Variants in SMAD2 observed in about 807,000 individuals in gnomAD.
SMAD2 encodes the protein SMAD family member 2.
In SMAD2, 8 loss-of-function variants were observed where a neutral mutation model predicts 64.4. The ratio of observed to expected loss-of-function variants is 0.12; its 90% CI spans 0.07 to 0.22. SMAD2 has a LOEUF of 0.22. Ranked by LOEUF, SMAD2 falls within the 10% of genes least tolerant of loss-of-function variation. SMAD2 has a pLI of 1.00. For synonymous variants in SMAD2, 203 were observed against 195.8 expected, an observed-to-expected ratio of 1.04 and a Z score of -0.31; for missense variants, 289 against 561.2, an observed-to-expected ratio of 0.51 and a Z score of 4.90.
At chr18:47,875,833 A>G (rs2032232566) in intron 2 of SMAD2, among the ~76,000 whole-genome samples, 1 of 152,114 alleles carries the variant, frequency 6.6e-6, no homozygotes, top group Non-Finnish European at 1.5e-5. Flanking sequence ...AGGGACCTCA[A>G]AGTAACCTGC....
chr18:47,915,935 A>C (rs1175998179), intron 1 of SMAD2, among the ~76,000 whole-genome samples: 1 of 152,178 alleles, frequency 6.6e-6, no homozygotes, highest in Non-Finnish European at 1.5e-5. Context: ...CACCCTTTTG[A>C]AAGTTCTCTT....
chr18:47,899,641 A>T (rs1249947998), intron 1 of SMAD2, among the ~76,000 whole-genome samples: 2 of 152,154 alleles, frequency 1.3e-5, no homozygotes, highest in Non-Finnish European at 2.9e-5. Context: ...GAGACCTAAA[A>T]AGAGCCATTA....
chr18:47,835,165 T>C lies in SMAD2; in HGVS notation c.*6662A>G, dbSNP rs1913298190. On this transcript the variant is annotated 3_prime_UTR_variant, in exon 11 of 11. Transcript: ENST00000262160. ...ACTATCACTAATAAAAAGATACAAA[T>C]ATGCCTTTCAAGTCAGGGTTGGAAA... 2 of 220,794 alleles carry C rather than the reference T, an allele frequency of 9.1e-6. No individual in the cohort carries two copies. The highest frequency in any genetic ancestry group is 1.8e-5 in the Non-Finnish European group (2 of 110,290). The allele number at this position is 220,794 out of a possible 1,614,324, so 13.7% of individuals were successfully genotyped here.
rs1912510919 is a variant in SMAD2, at chr18:47,819,880, A to G, written c.*21947T>C. 6.6e-6 allele frequency: 1 copy of G among 151,740 alleles called. No homozygotes were observed. Among genetic ancestry groups the G allele is most frequent in the Non-Finnish European group, 1.5e-5 (1 of 67,984 alleles). 9.4% of individuals were successfully genotyped at this position (151,740 alleles called of 1,614,324 possible). A position where few individuals can be genotyped will look rare whatever the true frequency, so the allele number is the denominator to read the frequency against. On this transcript the variant is annotated 3_prime_UTR_variant, in exon 11 of 11. Transcript: ENST00000262160. Reference sequence around the variant, plus strand: ...CATGGTGGTATGCAGGTATGCATCTATAGTTCCAGCTACTCAGGAAACGGA... The same window carrying G: ...CATGGTGGTATGCAGGTATGCATCTGTAGTTCCAGCTACTCAGGAAACGGA...
chr18:47,911,122 C>T (rs991883785), intron 1 of SMAD2, among the ~76,000 whole-genome samples: 1 of 151,990 alleles, frequency 6.6e-6, no homozygotes, highest in Non-Finnish European at 1.5e-5. Context: ...GAGGCAGAGG[C>T]GGTTGGATCA....
At chr18:47,922,445 A>G (rs1322601951) in intron 1 of SMAD2, 1 of 152,238 alleles carries the variant, frequency 6.6e-6, no homozygotes, top group African/African-American at 2.4e-5. Context: ...ATCATTTCTA[A>G]AACAATATAG....
Position 47,825,863 on chromosome 18 carries a change from G to C in SMAD2, c.*15964C>G, listed in dbSNP as rs17813399. 2,322 of 152,294 alleles carry C rather than the reference G, an allele frequency of 0.015. 26 individuals carry two copies. The highest frequency in any genetic ancestry group is 0.025 in the Non-Finnish European group (1,683 of 68,026). The allele number at this position is 152,294 out of a possible 1,614,324, so 9.4% of individuals were successfully genotyped here. ...AACCAGTATTGGGAAGCTTCCTAAAGCACTCCAAGCTCCTAAAAACAGGCA... is the reference window on the plus strand; with the variant it reads ...AACCAGTATTGGGAAGCTTCCTAAACCACTCCAAGCTCCTAAAAACAGGCA... On this transcript the variant is annotated 3_prime_UTR_variant, in exon 11 of 11. Transcript: ENST00000262160.
Position 47,839,140 on chromosome 18 carries a change from A to G in SMAD2, c.*2687T>C, listed in dbSNP as rs982696925. ...CCAGGAAGTAAACTGCTCAACAGGT[A>G]TAACTGCTCAATAGGTGTTTTCAAA... On this transcript the variant is annotated 3_prime_UTR_variant, in exon 11 of 11. Transcript: ENST00000262160. 1.3e-5 allele frequency: 3 copies of G among 233,302 alleles called. No homozygotes were observed. Among genetic ancestry groups the G allele is most frequent in the South Asian group, 1.8e-4 (1 of 5,536 alleles). The allele number at this position is 233,302 out of a possible 1,614,324, so 14.5% of individuals were successfully genotyped here.
intron 6 of SMAD2, 142 bp from the exon 7 acceptor site, chr18:47,851,469 CTTAAATTTAGT>C: frequency 2.6e-6 from 1 of 391,856 alleles, no homozygotes; most frequent in Non-Finnish European, 4.6e-6. Flanking sequence ...TATGTAAGTG[CTTAAATTTAGT>C]TTAATTTGTG....
chr18:47,924,528 C>G (rs2034687823), intron 1 of SMAD2, among the ~76,000 whole-genome samples: 1 of 150,964 alleles, frequency 6.6e-6, no homozygotes, highest in Non-Finnish European at 1.5e-5. Context: ...GTCGCGGGAT[C>G]TCGGCTAACT....
intron 1 of SMAD2, among the ~76,000 whole-genome samples, chr18:47,900,484 T>C (rs530058274): frequency 1.7e-4 from 26 of 152,276 alleles, no homozygotes; most frequent in African/African-American, 5.8e-4. Context: ...TTTAAATTTA[T>C]GTTCTCTCTC....
At chr18:47,844,444 T>C (rs1338206041) in intron 10 of SMAD2, among the ~76,000 whole-genome samples, 2 of 152,206 alleles carry the variant, frequency 1.3e-5, no homozygotes, top group African/African-American at 4.8e-5. Flanking sequence ...CTCTTAAATA[T>C]GGTCAAGAAG....
chr18:47,872,400 TA>T (rs1328840170), intron 2 of SMAD2, among the ~76,000 whole-genome samples: 2 of 152,034 alleles, frequency 1.3e-5, no homozygotes, highest in African/African-American at 4.8e-5. Context: ...AAAAAATAAG[TA>T]AATTTTTAAA....
At chr18:47,923,047 G>C (rs1167468105) in intron 1 of SMAD2, among the ~76,000 whole-genome samples, 2 of 120,024 alleles carry the variant, frequency 1.7e-5, no homozygotes, top group Admixed American at 1.8e-4. Flanking sequence ...TGTGTAAAGA[G>C]ACTACTTATT....
At chr18:47,895,886 T>C (rs1418223012) in intron 2 of SMAD2, among the ~76,000 whole-genome samples, 3 of 152,242 alleles carry the variant, frequency 2.0e-5, no homozygotes, top group Middle Eastern at 6.3e-3. Flanking sequence ...TGTACACAAG[T>C]AGTAAAACAC....
In SMAD2 at chr18:47,841,655, A is replaced by G; in HGVS notation, c.*172T>C. On this transcript the variant is annotated 3_prime_UTR_variant, in exon 11 of 11. Transcript: ENST00000262160. ...TTTCTAGACACTAATTTTCCCATCT[A>G]ATATTCAAATATAGGAAACAGATTC... The G allele has an allele frequency of 1.5e-6, 1 of 679,452 alleles. No homozygotes were observed. The highest frequency in any genetic ancestry group is 2.6e-6 in the Non-Finnish European group (1 of 388,128). The allele number at this position is 679,452 out of a possible 1,614,324, so 42.1% of individuals were successfully genotyped here.
intron 2 of SMAD2, among the ~76,000 whole-genome samples, chr18:47,884,908 C>A (rs2032801783): frequency 6.6e-6 from 1 of 152,122 alleles, no homozygotes; most frequent in Admixed American, 6.5e-5. Flanking sequence ...CTCTGAGATA[C>A]CGTTTGATAT....
At chr18:47,895,430 T>C (rs145712606) in intron 2 of SMAD2, 1 of 152,324 alleles carries the variant, frequency 6.6e-6, no homozygotes, top group East Asian at 1.9e-4. Context: ...TTGCACTCAT[T>C]ACCATATCAA....
In SMAD2 at chr18:47,902,913, A is replaced by C. The variant is rs530595859; in HGVS notation, c.-53-6104T>G. ...AAGAAACCAGCCTACATGCACACCG[A>C]CATGACATATTAAATTGCAAGGATC... is the stretch of plus-strand genomic sequence containing the variant. On this transcript the variant is annotated intron_variant, in intron 1 of 10. Transcript: ENST00000262160. 5.9e-5 allele frequency among the ~76,000 whole-genome samples: 9 copies of C among 152,184 alleles called. No homozygotes were observed. In the South Asian group the frequency reaches 1.9e-3, roughly 31 times the overall value.
Sources: gnomAD v4.1 joint callset for allele counts (sites outside exome capture counted in the v4.1 genomes callset) on GRCh38, gnomAD v4.1.1 for gene constraint, MANE v1.5 for transcripts, NCBI Gene and HGNC (gene_info 2026-07-23, HGNC 2026-07-21) for gene names.